SHANK1: variants seen among roughly 807,000 people sequenced by gnomAD.
SHANK1 encodes SH3 and multiple ankyrin repeat domains 1.
In SHANK1, 35 loss-of-function variants were observed where a neutral mutation model predicts 165.6. The observed-to-expected ratio is 0.21, with a 90% CI of 0.16 to 0.28. SHANK1 has a LOEUF of 0.28. SHANK1 is among the 10% of genes least tolerant of loss of function. SHANK1 has a pLI of 1.00. For missense variants in SHANK1, 2,681 were observed against 3,036.4 expected (o/e 0.88, Z 2.75); for synonymous variants, 1,428 against 1,384.8 (o/e 1.03, Z -0.69).
At position 50,717,447 on chromosome 19, in the gene SHANK1, T is replaced by A. The variant is rs532192880; in HGVS notation, c.-43-485A>T. ...GGAGAAGCTGAGGCTGACACTGAGA[T>A]GTAGTAAGGGGGAGAGGGAGGTGTG... On this transcript the variant is annotated intron_variant, in intron 1 of 23. Transcript: ENST00000293441. The surrounding 1 kb of genome is among the most constrained non-coding windows in gnomAD (Gnocchi z 5.5). Among the ~76,000 whole-genome samples the A allele has an allele frequency of 3.8e-3, 584 of 151,716 alleles. 2 individuals are homozygous for A. Among genetic ancestry groups the A allele is most frequent in the Non-Finnish European group, 6.2e-3 (423 of 67,864 alleles).
At position 50,688,073 on chromosome 19, in the gene SHANK1, C is replaced by G; in HGVS notation, c.2173-15G>C. On this transcript the variant is annotated splice_polypyrimidine_tract_variant and intron_variant, in intron 17 of 23. Transcript: ENST00000293441. The surrounding 1 kb of genome is among the most constrained non-coding windows in gnomAD (Gnocchi z 6.7). ...TGCCCGTTCACCTGTGGCACAGACA[C>G]CCCCAGATCACACAGAGTAGACGAG... 1 of 1,613,656 alleles carries G rather than the reference C, an allele frequency of 6.2e-7. No individual in the cohort carries two copies. Among genetic ancestry groups the G allele is most frequent in the Non-Finnish European group, 8.5e-7 (1 of 1,179,912 alleles).
rs912954318 is a variant in SHANK1, at chr19:50,668,817, C to T, written c.3143G>A (p.Arg1048Gln). Reference sequence around the variant, plus strand: ...GCTGGGCCCGCCGCCCCTCCAGCCTCGCAGGCTGGGCTGGGGCCCCAGAGC... The same window carrying T: ...GCTGGGCCCGCCGCCCCTCCAGCCTTGCAGGCTGGGCTGGGGCCCCAGAGC... The part of the protein sequence containing the change: ...RLALGPQPSL[R>Q]GWRGGGPSPT... The change falls in exon 23 of 24, where the codon CGA becomes CAA. Residue 1048 changes from arginine to glutamine, a missense_variant. Arg to Gln is a conservative substitution (Grantham distance 43). Around this residue, in one of 10 missense-constraint regions of SHANK1, gnomAD observed 1,713 missense variants for 1,630.2 expected, o/e 1.05. Transcript: ENST00000293441. The T allele has an allele frequency of 3.2e-6, 4 of 1,268,690 alleles. No individual in the cohort carries two copies. In the African/African-American group the frequency reaches 6.3e-5, roughly 20 times the overall value. The allele number at this position is 1,268,690 out of a possible 1,614,324, so 78.6% of individuals were successfully genotyped here. A position where few individuals can be genotyped will look rare whatever the true frequency, so the allele number is the denominator to read the frequency against.
chr19:50,664,119 T>G (rs1398654518), intron 23 of SHANK1, among the ~76,000 whole-genome samples: 1 of 65,108 alleles, frequency 1.5e-5, no homozygotes, highest in Non-Finnish European at 3.1e-5. Flanking sequence ...TTTTCTTTTC[T>G]TTCTTTTTTT....
At chr19:50,714,529 C>T (rs1474480878) in intron 4 of SHANK1, among the ~76,000 whole-genome samples, 1 of 151,718 alleles carries the variant, frequency 6.6e-6, no homozygotes, top group Non-Finnish European at 1.5e-5. Flanking sequence ...CTTATCTCTA[C>T]AAAAAATGCA....
Position 50,716,556 on chromosome 19 carries a change from G to A in SHANK1, c.256-78C>T. ...TGAGGTGGGTTGGGAAGTGAGCCAG[G>A]AGCTGAGTGTGGGGGTGATTCCTGG... On this transcript the variant is annotated intron_variant, in intron 2 of 23. Coordinates refer to ENST00000293441, the MANE Select transcript of SHANK1 (RefSeq NM_016148.5). This position sits in a 1 kb window ranked among gnomAD's most constrained non-coding sequence, Gnocchi z 8.4. 2 of 1,578,796 alleles carry A rather than the reference G, an allele frequency of 1.3e-6. No individual in the cohort carries two copies. The highest frequency in any genetic ancestry group is 8.6e-7 in the Non-Finnish European group (1 of 1,157,696).
At chr19:50,701,895 C>T (rs1451505578) in intron 12 of SHANK1, among the ~76,000 whole-genome samples, 1 of 152,176 alleles carries the variant, frequency 6.6e-6, no homozygotes, top group Non-Finnish European at 1.5e-5. Flanking sequence ...GGGAGGTGAA[C>T]CCTGATAACA....
chr19:50,686,424 A>G lies in SHANK1; in HGVS notation c.2459-69T>C. 2 of 1,156,664 alleles carry G rather than the reference A, an allele frequency of 1.7e-6. No homozygotes were observed. The highest frequency in any genetic ancestry group is 3.0e-5 in the South Asian group (2 of 67,794). The allele number at this position is 1,156,664 out of a possible 1,614,324, so 71.7% of individuals were successfully genotyped here. ...AAGTTTGCTTTGACCCGGGCCGCAA[A>G]GACCAGAGCTGCCGCCCGCAGTTCA... On this transcript the variant is annotated intron_variant, in intron 20 of 23. Transcript: ENST00000293441. This position sits in a 1 kb window ranked among gnomAD's most constrained non-coding sequence, Gnocchi z 5.7.
In SHANK1 at chr19:50,672,786, C is replaced by T. The variant is rs1027257696; in HGVS notation, c.2578-672G>A. 4.3e-4 allele frequency among the ~76,000 whole-genome samples: 66 copies of T among 152,216 alleles called. 1 individual carries two copies. Among genetic ancestry groups the T allele is most frequent in the Middle Eastern group, 3.4e-3 (1 of 294 alleles). On this transcript the variant is annotated intron_variant, in intron 21 of 23. Transcript: ENST00000293441. ...CTCCCTGCTGCCATCCTTGATCCCC[C>T]ACCCTGTTCCAGTCTGTTTTCCACA...
chr19:50,691,273 G>C (rs553502914), intron 15 of SHANK1, among the ~76,000 whole-genome samples: 1 of 152,234 alleles, frequency 6.6e-6, no homozygotes, highest in Non-Finnish European at 1.5e-5. Context: ...GGTCAGAGCT[G>C]CCTGTTTCTA....
chr19:50,663,796 TAAG>T (rs1985366679), intron 23 of SHANK1, among the ~76,000 whole-genome samples: 1 of 151,950 alleles, frequency 6.6e-6, no homozygotes, highest in Non-Finnish European at 1.5e-5. Flanking sequence ...CCAGAATACT[TAAG>T]AATAGTCAAG....
intron 8 of SHANK1, among the ~76,000 whole-genome samples, chr19:50,708,850 C>T (rs1225696207): frequency 1.3e-5 from 2 of 152,166 alleles, no homozygotes; most frequent in African/African-American, 4.8e-5. Context: ...GGTCCTGGAA[C>T]AGAGCAAGTA....
chr19:50,691,167 T>C (rs1001617893), intron 15 of SHANK1, among the ~76,000 whole-genome samples: 9 of 151,802 alleles, frequency 5.9e-5, no homozygotes, highest in African/African-American at 2.2e-4. Context: ...AAGGGGTGAA[T>C]GAGGGTAGGA....
At position 50,666,792 on chromosome 19, in the gene SHANK1, T is replaced by C; in HGVS notation, c.5168A>G (p.Glu1723Gly). 6.4e-7 allele frequency: 1 copy of C among 1,550,482 alleles called. No individual in the cohort carries two copies. Reference sequence around the variant, plus strand: ...GTAGGCCACATAGGTGTCCAGAAGCTCCGGCCCACTGGCCACACCGGCCCC... The same window carrying C: ...GTAGGCCACATAGGTGTCCAGAAGCCCCGGCCCACTGGCCACACCGGCCCC... Reference protein sequence around the residue: ...GAGAGVASGPELLDTYVAYLD... With the variant: ...GAGAGVASGPGLLDTYVAYLD... The change falls in exon 23 of 24, where the codon GAG (glutamate) becomes GGG (glycine). Residue 1723 changes from glutamate (E) to glycine (G), a missense_variant. Glu to Gly is a moderately conservative substitution (Grantham distance 98). Coordinates refer to ENST00000293441, the MANE Select transcript of SHANK1 (RefSeq NM_016148.5).
chr19:50,699,224 A>G (rs974686977), intron 12 of SHANK1, among the ~76,000 whole-genome samples: 7 of 152,362 alleles, frequency 4.6e-5, no homozygotes, highest in Admixed American at 4.6e-4. Flanking sequence ...GTGGTCTTGT[A>G]ATCAATCATT....
intron 23 of SHANK1, among the ~76,000 whole-genome samples, chr19:50,665,938 G>A (rs1313191108): frequency 6.7e-6 from 1 of 148,394 alleles, no homozygotes; most frequent in Admixed American, 6.7e-5. Context: ...TTGAACCCGG[G>A]AGGCAGAGGT....
chr19:50,702,712 T>A lies in SHANK1; in HGVS notation c.1554-52A>T. On this transcript the variant is annotated intron_variant, in intron 11 of 23. Coordinates refer to ENST00000293441, the MANE Select transcript of SHANK1 (RefSeq NM_016148.5). The surrounding 1 kb of genome is among the most constrained non-coding windows in gnomAD (Gnocchi z 5.3). ...GGGGAGGGTGGAGGGAGGGGACACC[T>A]CTGGGAGGACAGGGGTCCTTGGGTG... 1.6e-6 allele frequency: 2 copies of A among 1,234,596 alleles called. No individual in the cohort carries two copies. Among genetic ancestry groups the A allele is most frequent in the Non-Finnish European group, 2.2e-6 (2 of 897,316 alleles). The allele number at this position is 1,234,596 out of a possible 1,614,324, so 76.5% of individuals were successfully genotyped here.
At position 50,716,916 on chromosome 19, in the gene SHANK1, T is replaced by C; in HGVS notation, c.4A>G (p.Thr2Ala). 7.0e-7 allele frequency: 1 copy of C among 1,435,052 alleles called. No individual in the cohort carries two copies. 88.9% of individuals were successfully genotyped at this position (1,435,052 alleles called of 1,614,324 possible). The change falls in exon 2 of 24, where the codon ACC (threonine) becomes GCC (alanine). Residue 2 changes from threonine (T) to alanine (A), a missense_variant. Coordinates refer to ENST00000293441, the MANE Select transcript of SHANK1 (RefSeq NM_016148.5). This position sits in a 1 kb window ranked among gnomAD's most constrained non-coding sequence, Gnocchi z 8.4. ...TCCTCGCTTGTCGCGGGGCTGTGGG[T>C]CATTGTGGGGCCACGGGGCGACGGG... M[T>A]HSPATSEDEE...
chr19:50,699,719 T>G (rs1599863523), intron 12 of SHANK1, among the ~76,000 whole-genome samples: 1 of 111,080 alleles, frequency 9.0e-6, no homozygotes, highest in Admixed American at 8.8e-5. Flanking sequence ...GAGGGGTTGG[T>G]AGCACTGGGG....
intron 21 of SHANK1, among the ~76,000 whole-genome samples, chr19:50,672,555 CAAAAAAAA>C (rs3987747): frequency 1.7e-4 from 6 of 35,508 alleles, no homozygotes; most frequent in African/African-American, 3.4e-4. Context: ...GACTCTGTCT[CAAAAAAAA>C]AAAAAAAAAA....
Sources: allele counts gnomAD v4.1 joint callset (sites outside exome capture counted in the v4.1 genomes callset), GRCh38; gene constraint gnomAD v4.1.1; regional missense constraint gnomAD v4.1.1; non-coding constraint Gnocchi (gnomAD v3.1); transcripts MANE v1.5; gene names NCBI Gene and HGNC (gene_info 2026-07-23, HGNC 2026-07-21).